Variants in EFCAB8 observed in about 807,000 individuals in gnomAD.
EFCAB8 encodes EF-hand calcium binding domain 8.
A neutral mutation model predicts 116.3 loss-of-function variants in EFCAB8; 100 were observed. That is an observed-to-expected ratio of 0.86 (90% confidence interval 0.73 to 1.02). EFCAB8 has a LOEUF of 1.02. Ranked by LOEUF, EFCAB8 falls within the 50% of genes least tolerant of loss-of-function variation. The probability of loss-of-function intolerance (pLI) is 0.00; values close to 1 mark genes in which losing one functional copy is unlikely to be tolerated. For synonymous variants in EFCAB8, 558 were observed against 567.9 expected (o/e 0.98, Z 0.25); for missense variants, 1,320 against 1,416.9 (o/e 0.93, Z 1.10).
intron 20 of EFCAB8, among the ~76,000 whole-genome samples, chr20:32,921,230 G>A (rs554965502): frequency 1.1e-3 from 174 of 151,458 alleles, no homozygotes; most frequent in African/African-American, 4.1e-3. Context: ...GGGTCTCACT[G>A]TCACCCAGGC....
chr20:32,928,397 G>A (rs1477977223), intron 20 of EFCAB8, among the ~76,000 whole-genome samples: 1 of 151,898 alleles, frequency 6.6e-6, no homozygotes, highest in Non-Finnish European at 1.5e-5. Context: ...CACCACACCT[G>A]GCTAATATTT....
At chr20:32,876,898 G>T (rs1382644952) in intron 4 of EFCAB8, among the ~76,000 whole-genome samples, 1 of 152,154 alleles carries the variant, frequency 6.6e-6, no homozygotes, top group East Asian at 1.9e-4. Context: ...AGCCCAGGAG[G>T]TTGAGGCTGC....
At chr20:32,863,388 C>G (rs558363894) in intron 1 of EFCAB8, among the ~76,000 whole-genome samples, 26 of 151,954 alleles carry the variant, frequency 1.7e-4, no homozygotes, top group Admixed American at 1.0e-3. Flanking sequence ...AAATGAGGAG[C>G]CCTCATTTTT....
At chr20:32,941,359 C>T (rs937882420) in intron 22 of EFCAB8, among the ~76,000 whole-genome samples, 4 of 149,416 alleles carry the variant, frequency 2.7e-5, no homozygotes, top group African/African-American at 9.9e-5. Flanking sequence ...TATTACCCAA[C>T]AGTTCCACTC....
chr20:32,917,577 G>A, intron 18 of EFCAB8, 72 bp downstream of exon 18: 1 of 1,407,140 alleles, frequency 7.1e-7, no homozygotes, highest in Non-Finnish European at 9.7e-7. Flanking sequence ...GGGGCAGGGA[G>A]GGTGGGGAGC....
Position 32,906,541 on chromosome 20 carries a change from C to T in EFCAB8, c.1089-21C>T, listed in dbSNP as rs753330998. 4.2e-6 allele frequency: 3 copies of T among 718,292 alleles called. No individual in the cohort carries two copies. The South Asian group carries it at 4.4e-5, about 11-fold the overall frequency. 44.5% of individuals were successfully genotyped at this position (718,292 alleles called of 1,614,324 possible). ...GGCCACTGCTCCCGGCCCTGCAGCCCTCACTCCTTTGATATTGTAGGTTGT... is the reference window on the plus strand; with the variant it reads ...GGCCACTGCTCCCGGCCCTGCAGCCTTCACTCCTTTGATATTGTAGGTTGT... On this transcript the variant is annotated intron_variant, in intron 11 of 26. Transcript: ENST00000400522.
intron 15 of EFCAB8, among the ~76,000 whole-genome samples, chr20:32,910,395 G>A (rs1475998184): frequency 6.6e-6 from 1 of 152,200 alleles, no homozygotes; most frequent in East Asian, 1.9e-4. Flanking sequence ...TGGAGTCTCT[G>A]GGTTGGGCAG....
chr20:32,934,681 C>A (rs1024922436), intron 22 of EFCAB8, among the ~76,000 whole-genome samples: 1 of 152,096 alleles, frequency 6.6e-6, no homozygotes, highest in Non-Finnish European at 1.5e-5. Flanking sequence ...TCCCACCATT[C>A]TAATGATAGT....
intron 22 of EFCAB8, among the ~76,000 whole-genome samples, chr20:32,939,181 T>C (rs1446875802): frequency 7.3e-5 from 8 of 110,186 alleles, no homozygotes; most frequent in African/African-American, 1.4e-4. Context: ...CTTTCTTTCT[T>C]TCTTTCTTTC....
chr20:32,896,732 C>T (rs1038491193), intron 10 of EFCAB8, among the ~76,000 whole-genome samples: 1 of 152,220 alleles, frequency 6.6e-6, no homozygotes, highest in Admixed American at 6.5e-5. Context: ...CTCTCACTAC[C>T]GCCATTGCTA....
At chr20:32,930,719 A>G (rs1341895595) in intron 21 of EFCAB8, 103 bp downstream of exon 21, 1 of 1,122,346 alleles carries the variant, frequency 8.9e-7, no homozygotes, top group East Asian at 2.6e-5. Context: ...CTGTCTGGGT[A>G]CTGGTTCCAT....
At chr20:32,891,762 A>G (rs6058941) in intron 7 of EFCAB8, among the ~76,000 whole-genome samples, 94,183 of 151,848 alleles carry the variant, frequency 0.62, 30,026 homozygotes, top group Middle Eastern at 0.79. Context: ...GCGGGAGACA[A>G]CATGACGGTG....
At chr20:32,889,752 A>G (rs6141845) in intron 7 of EFCAB8, among the ~76,000 whole-genome samples, 84,045 of 151,884 alleles carry the variant, frequency 0.55, 24,701 homozygotes, top group Middle Eastern at 0.72. Context: ...CTGTAATACC[A>G]GCACTTCAGG....
rs912472031 is a variant in EFCAB8, at chr20:32,908,406, C to T, written c.1440C>T (p.Thr480=). 25 of 1,249,848 alleles carry T rather than the reference C, an allele frequency of 2.0e-5. No homozygotes were observed. The African/African-American group carries it at 2.9e-4, about 15-fold the overall frequency. 77.4% of individuals were successfully genotyped at this position (1,249,848 alleles called of 1,614,324 possible). A position where few individuals can be genotyped will look rare whatever the true frequency, so the allele number is the denominator to read the frequency against. Residue 480 remains threonine (T), a synonymous_variant, in exon 14 of 27, where the codon ACC becomes ACT. Coordinates refer to ENST00000400522, the MANE Select transcript of EFCAB8 (RefSeq NM_001143967.2). Reference sequence around the variant, plus strand: ...AGGACAATACCCTCATCTGCAGCACCTACTCAGTGAGTGCTGTCCCAGGAG... The same window carrying T: ...AGGACAATACCCTCATCTGCAGCACTTACTCAGTGAGTGCTGTCCCAGGAG... ...FEKDNTLICS[T]YSIGILKGYL... is the part of the protein sequence containing the mutation.
chr20:32,880,692 A>C (rs2146195154), intron 5 of EFCAB8, among the ~76,000 whole-genome samples: 1 of 152,344 alleles, frequency 6.6e-6, no homozygotes, highest in East Asian at 1.9e-4. Flanking sequence ...GAATATTACA[A>C]AGGATACAGA....
intron 2 of EFCAB8, among the ~76,000 whole-genome samples, chr20:32,867,370 A>G (rs965496659): frequency 6.6e-6 from 1 of 152,240 alleles, no homozygotes; most frequent in Admixed American, 6.5e-5. Flanking sequence ...AAAAGGGAAC[A>G]ATGGTTCCCT....
intron 9 of EFCAB8, among the ~76,000 whole-genome samples, chr20:32,895,528 G>A (rs558873112): frequency 2.7e-5 from 4 of 148,252 alleles, no homozygotes; most frequent in African/African-American, 9.9e-5. Flanking sequence ...GTAGAGATGG[G>A]TTCTCACTGT....
At chr20:32,956,906 A>G (rs775681415) in intron 23 of EFCAB8, among the ~76,000 whole-genome samples, 15 of 147,630 alleles carry the variant, frequency 1.0e-4, no homozygotes, top group Non-Finnish European at 2.2e-4. Flanking sequence ...TGTATACTAG[A>G]CTATTTGACT....
Position 32,920,135 on chromosome 20 carries a change from T to C in EFCAB8, c.2332T>C (p.Ser778Pro), listed in dbSNP as rs1987378380. Residue 778 changes from serine to proline, a missense_variant, in exon 20 of 27, where the codon TCC (serine) becomes CCC (proline). Physicochemically the swap from Ser to Pro is moderately conservative, Grantham distance 74. Transcript: ENST00000400522. The part of the protein sequence containing the change: ...RQSSKIHSKQ[S>P]IYKEDETRKG... ...GTCAAGCAAGATCCACAGCAAACAG[T>C]CCATTTACAAAGAGGATGAAACGAG... 1.3e-6 allele frequency: 2 copies of C among 1,551,436 alleles called. No individual in the cohort carries two copies. Among genetic ancestry groups the C allele is most frequent in the Middle Eastern group, 1.7e-4 (1 of 6,014 alleles).
Sources: allele counts gnomAD v4.1 joint callset (sites outside exome capture counted in the v4.1 genomes callset), GRCh38; gene constraint gnomAD v4.1.1; transcripts MANE v1.5; gene names NCBI Gene and HGNC (gene_info 2026-07-23, HGNC 2026-07-21).